RFTN1: variants seen among roughly 807,000 people sequenced by gnomAD.
The protein encoded by RFTN1 is raftlin.
RFTN1 carries 26 observed loss-of-function variants against 46.5 expected under a neutral mutation model. That is an observed-to-expected ratio of 0.56 (90% confidence interval 0.41 to 0.78). The LOEUF (loss-of-function observed/expected upper bound fraction) is 0.78, where lower values mean the gene tolerates loss of function less well. Ranked by LOEUF, RFTN1 falls within the 30% of genes least tolerant of loss-of-function variation. RFTN1 has a pLI of 0.00. For synonymous variants in RFTN1, 261 were observed against 284.2 expected (o/e 0.92, Z 0.82); for missense variants, 693 against 718.7 (o/e 0.96, Z 0.41).
At position 16,425,832 on chromosome 3, in the gene RFTN1, T is replaced by C. The variant is rs2075279841; in HGVS notation, c.332+8019A>G. Among the ~76,000 whole-genome samples, 2 of 152,050 alleles carry C rather than the reference T, an allele frequency of 1.3e-5. No individual in the cohort carries two copies. On this transcript the variant is annotated intron_variant, in intron 3 of 9. Transcript: ENST00000334133. This position sits in a 1 kb window ranked among gnomAD's most constrained non-coding sequence, Gnocchi z 4.3. ...GAGGAATAAATTAAGGTAGTCTTGG[T>C]GATGCTGGACAGCTCCTCAGGGGGT... is the stretch of plus-strand genomic sequence containing the variant.
Position 16,337,086 on chromosome 3 carries a change from C to T in RFTN1, c.1147-10210G>A, listed in dbSNP as rs1318774142. On this transcript the variant is annotated intron_variant, in intron 7 of 9. Coordinates refer to ENST00000334133, the MANE Select transcript of RFTN1 (RefSeq NM_015150.2). This position sits in a 1 kb window ranked among gnomAD's most constrained non-coding sequence, Gnocchi z 5.0. ...CATCCTGAACCTAGGCCTCAAGGAG[C>T]CTTGCTGTTTCTGCTCACTCTCCAG... 1 of 152,210 alleles carries T rather than the reference C, an allele frequency of 6.6e-6. No individual in the cohort carries two copies. The highest frequency in any genetic ancestry group is 1.5e-5 in the Non-Finnish European group (1 of 68,078). The allele number at this position is 152,210 out of a possible 1,614,324, so 9.4% of individuals were successfully genotyped here.
In RFTN1 at chr3:16,422,501, C is replaced by T. The variant is rs146501024; in HGVS notation, c.332+11350G>A. Among the ~76,000 whole-genome samples the T allele has an allele frequency of 1.1e-4, 17 of 151,958 alleles. No individual in the cohort carries two copies. In the East Asian group the frequency reaches 3.1e-3, roughly 28 times the overall value. On this transcript the variant is annotated intron_variant, in intron 3 of 9. Transcript: ENST00000334133. This position sits in a 1 kb window ranked among gnomAD's most constrained non-coding sequence, Gnocchi z 4.6. ...AAAAAATTAGCTGGGCGTGGTGGCA[C>T]GTGCCTGTAATCCCAGCTACTCAGG...
chr3:16,482,915 C>T lies in RFTN1; in HGVS notation c.145+10810G>A, dbSNP rs2076391892. On this transcript the variant is annotated intron_variant, in intron 2 of 9. Transcript: ENST00000334133. Reference sequence around the variant, plus strand: ...TTAAATTTGCGGAAATATAGAAAGTCCCGCCCCACCCAACTCTGACCCTGG... The same window carrying T: ...TTAAATTTGCGGAAATATAGAAAGTTCCGCCCCACCCAACTCTGACCCTGG... 9.4e-6 allele frequency: 12 copies of T among 1,270,896 alleles called. No homozygotes were observed. In the South Asian group the frequency reaches 1.6e-4, roughly 17 times the overall value. 78.7% of individuals were successfully genotyped at this position (1,270,896 alleles called of 1,614,324 possible).
chr3:16,454,127 T>G (rs2075864836), intron 2 of RFTN1, among the ~76,000 whole-genome samples: 1 of 152,222 alleles, frequency 6.6e-6, no homozygotes, highest in Non-Finnish European at 1.5e-5. Context: ...GTCTCCTTAG[T>G]CACCTTCTGC....
At chr3:16,368,263 A>G (rs1044655859) in intron 6 of RFTN1, among the ~76,000 whole-genome samples, 1 of 152,210 alleles carries the variant, frequency 6.6e-6, no homozygotes, top group Non-Finnish European at 1.5e-5. Context: ...AGACCGTGAC[A>G]ACCCCTGGCT....
In RFTN1 at chr3:16,433,133, A is replaced by G. The variant is rs2075427511; in HGVS notation, c.332+718T>C. Among the ~76,000 whole-genome samples, 2 of 151,898 alleles carry G rather than the reference A, an allele frequency of 1.3e-5. No homozygotes were observed. Among genetic ancestry groups the G allele is most frequent in the Non-Finnish European group, 2.9e-5 (2 of 67,968 alleles). On this transcript the variant is annotated intron_variant, in intron 3 of 9. Coordinates refer to ENST00000334133, the MANE Select transcript of RFTN1 (RefSeq NM_015150.2). The surrounding 1 kb of genome is among the most constrained non-coding windows in gnomAD (Gnocchi z 4.4). ...TCATTTTAATTTTTATTTTTATGAA[A>G]GCAGGAAAAACATACTGCTCTCTCC...
chr3:16,357,821 C>A, intron 7 of RFTN1, 111 bp downstream of exon 7: 1 of 705,724 alleles, frequency 1.4e-6, no homozygotes, highest in South Asian at 1.7e-5. Context: ...AGGTCAACTC[C>A]CTCTCAGAAG....
At position 16,329,451 on chromosome 3, in the gene RFTN1, A is replaced by G. The variant is rs1390650195; in HGVS notation, c.1147-2575T>C. ...TAATCCGTTTACAGGTGGGGCCAGG[A>G]GAGAATGCCATTCTGGTCCCTTCCC... On this transcript the variant is annotated intron_variant, in intron 7 of 9. Coordinates refer to ENST00000334133, the MANE Select transcript of RFTN1 (RefSeq NM_015150.2). The surrounding 1 kb of genome is among the most constrained non-coding windows in gnomAD (Gnocchi z 4.5). Among the ~76,000 whole-genome samples, 1 of 152,190 alleles carries G rather than the reference A, an allele frequency of 6.6e-6. No homozygotes were observed.
chr3:16,365,267 G>A (rs796067828), intron 6 of RFTN1, among the ~76,000 whole-genome samples: 1 of 145,758 alleles, frequency 6.9e-6, no homozygotes, highest in Admixed American at 6.8e-5. Context: ...AGATTCCTGG[G>A]GAAACACTCC....
intron 1 of RFTN1, among the ~76,000 whole-genome samples, chr3:16,510,488 G>A (rs2076879617): frequency 6.6e-6 from 1 of 152,156 alleles, no homozygotes; most frequent in African/African-American, 2.4e-5. Context: ...AATGATTTAA[G>A]TTTAAACCCA....
chr3:16,404,520 G>A (rs1254012704), intron 4 of RFTN1, among the ~76,000 whole-genome samples: 2 of 147,792 alleles, frequency 1.4e-5, no homozygotes, highest in Non-Finnish European at 3.0e-5. Flanking sequence ...ACTCACTAGA[G>A]CTCGCCAGAC....
chr3:16,339,350 G>C (rs2071152216), intron 7 of RFTN1: 1 of 152,214 alleles, frequency 6.6e-6, no homozygotes, highest in Non-Finnish European at 1.5e-5. Flanking sequence ...CCCACAGCAT[G>C]CTCTTTGAGG....
intron 3 of RFTN1, among the ~76,000 whole-genome samples, chr3:16,412,742 G>C (rs929117216): frequency 7.9e-5 from 12 of 152,220 alleles, no homozygotes; most frequent in Non-Finnish European, 4.4e-5. Context: ...TATGTTATAT[G>C]ACTCCCTCTG....
intron 6 of RFTN1, among the ~76,000 whole-genome samples, chr3:16,363,363 A>AT (rs2072951147): frequency 6.6e-6 from 1 of 152,244 alleles, no homozygotes; most frequent in Admixed American, 6.5e-5. Context: ...TTATCACTGC[A>AT]TTTTTTATTA....
intron 4 of RFTN1, among the ~76,000 whole-genome samples, chr3:16,399,098 T>C (rs2074541468): frequency 6.6e-6 from 1 of 152,186 alleles, no homozygotes; most frequent in Non-Finnish European, 1.5e-5. Flanking sequence ...TTATTTCATA[T>C]GATATGTGCT....
chr3:16,409,285 T>C lies in RFTN1; in HGVS notation c.441+90A>G, dbSNP rs148891947. ...CAGCTCTTGCATGGCCTCTTGAGTG[T>C]GGCTGATCTGTCCTAAGGCAGCTAC... On this transcript the variant is annotated intron_variant, in intron 4 of 9. Transcript: ENST00000334133. The C allele has an allele frequency of 2.1e-3, 1,778 of 862,866 alleles. 42 individuals carry two copies. In the East Asian group the frequency reaches 0.039, roughly 19 times the overall value. 53.5% of individuals were successfully genotyped at this position (862,866 alleles called of 1,614,324 possible).
chr3:16,495,920 A>G (rs896453863), intron 1 of RFTN1, among the ~76,000 whole-genome samples: 1 of 152,250 alleles, frequency 6.6e-6, no homozygotes, highest in African/African-American at 2.4e-5. Context: ...GGGGAAGTTA[A>G]GCAAAATTGA....
Position 16,480,070 on chromosome 3 carries a change from G to A in RFTN1, c.145+13655C>T, listed in dbSNP as rs2076340255. On this transcript the variant is annotated intron_variant, in intron 2 of 9. Coordinates refer to ENST00000334133, the MANE Select transcript of RFTN1 (RefSeq NM_015150.2). The surrounding 1 kb of genome is among the most constrained non-coding windows in gnomAD (Gnocchi z 4.3). ...CTTACTATCTTGTTCACCATTGCAT[G>A]CTCAATACAGAGCCTGAAAAAGAGT... is the stretch of plus-strand genomic sequence containing the variant. Among the ~76,000 whole-genome samples the A allele has an allele frequency of 6.6e-6, 1 of 152,172 alleles. No individual in the cohort carries two copies. The highest frequency in any genetic ancestry group is 2.1e-4 in the South Asian group (1 of 4,834).
rs1427873772 is a variant in RFTN1 at position 16,322,446 on chromosome 3, T to C, written c.1332+930A>G. On this transcript the variant is annotated intron_variant, in intron 9 of 9. Transcript: ENST00000334133. The surrounding 1 kb of genome is among the most constrained non-coding windows in gnomAD (Gnocchi z 6.2). ...GAACCAAGCGTGAGGAATGCAGGAG[T>C]GATGCCAGGAGTGAGGAGCCGAGCA... Among the ~76,000 whole-genome samples the C allele has an allele frequency of 3.9e-5, 6 of 152,148 alleles. No homozygotes were observed. In the East Asian group the frequency reaches 1.2e-3, roughly 30 times the overall value.
Sources: allele counts gnomAD v4.1 joint callset (sites outside exome capture counted in the v4.1 genomes callset), GRCh38; gene constraint gnomAD v4.1.1; non-coding constraint Gnocchi (gnomAD v3.1); transcripts MANE v1.5; gene names NCBI Gene and HGNC (gene_info 2026-07-23, HGNC 2026-07-21).